The following PDZD9 variants were observed in gnomAD, a reference collection of about 807,000 sequenced individuals.
PDZD9 encodes the protein PDZ domain-containing protein 9.
A neutral mutation model predicts 16.3 loss-of-function variants in PDZD9; 13 were observed. That is an observed-to-expected ratio of 0.80 (90% confidence interval 0.52 to 1.27). PDZD9 has a LOEUF of 1.27. Ranked by LOEUF, PDZD9 falls within the 50% of genes most tolerant of loss-of-function variation. The pLI is 0.00. For synonymous variants in PDZD9, 120 were observed against 111.0 expected, an observed-to-expected ratio of 1.08 and a Z score of -0.51; for missense variants, 288 against 310.9, an observed-to-expected ratio of 0.93 and a Z score of 0.55.
downstream of PDZD9, among the ~76,000 whole-genome samples, chr16:21,981,020 T>C (rs1898712656): frequency 6.6e-6 from 1 of 152,164 alleles, no homozygotes; most frequent in Non-Finnish European, 1.5e-5. Context: ...GTTAAACTAA[T>C]GGTAGTTTAT....
intron 2 of PDZD9, among the ~76,000 whole-genome samples, chr16:21,994,042 T>C (rs952253005): frequency 2.0e-5 from 3 of 149,342 alleles, no homozygotes; most frequent in Admixed American, 2.0e-4. Flanking sequence ...AAAAATAAAA[T>C]AAAAATTAGC....
Position 21,984,265 on chromosome 16 carries a change from T to G in PDZD9, c.*2A>C. Reference sequence around the variant, plus strand: ...ATAAATGCTCATATGACCACAGATTTGCTAACCAACCTTTGATACCAGTTG... The same window carrying G: ...ATAAATGCTCATATGACCACAGATTGGCTAACCAACCTTTGATACCAGTTG... On this transcript the variant is annotated 3_prime_UTR_variant, in exon 4 of 4. Transcript: ENST00000424898. The G allele has an allele frequency of 6.2e-7, 1 of 1,603,500 alleles. No homozygotes were observed. Among genetic ancestry groups the G allele is most frequent in the Non-Finnish European group, 8.5e-7 (1 of 1,173,188 alleles).
the PDZD9 span, among the ~76,000 whole-genome samples, chr16:21,961,626 TTATATA>T: frequency 0.022 from 1,425 of 64,364 alleles, 64 homozygotes; most frequent in East Asian, 0.18. Context: ...AACATAAAAT[TTATATA>T]TATATATATA....
the PDZD9 span, chr16:21,958,540 A>G: frequency 1.2e-6 from 2 of 1,612,244 alleles, no homozygotes; most frequent in Non-Finnish European, 1.7e-6. Flanking sequence ...TCAAGACGAC[A>G]AAAGGAGCTT....
At chr16:21,977,982 T>C in the PDZD9 span, among the ~76,000 whole-genome samples, 3 of 152,214 alleles carry the variant, frequency 2.0e-5, no homozygotes, top group South Asian at 2.1e-4. Context: ...TGAGAATACA[T>C]TGAAACACTG....
chr16:21,991,104 GACCATGTCTGTGCCGTTC>G (rs1899010605), intron 2 of PDZD9, among the ~76,000 whole-genome samples: 1 of 152,098 alleles, frequency 6.6e-6, no homozygotes, highest in Non-Finnish European at 1.5e-5. Flanking sequence ...CAAGGCTAAG[GACCATGTCTGTGCCGTTC>G]ACCACTACAC....
chr16:21,958,000 C>T, the PDZD9 span, among the ~76,000 whole-genome samples: 1 of 152,266 alleles, frequency 6.6e-6, no homozygotes, highest in East Asian at 1.9e-4. Flanking sequence ...CACTATAATT[C>T]AATATGATGT....
chr16:21,961,626 T>TTATATAGATATATATA, the PDZD9 span, among the ~76,000 whole-genome samples: 1 of 64,476 alleles, frequency 1.6e-5, no homozygotes, highest in South Asian at 4.9e-4. Context: ...AACATAAAAT[T>TTATATAGATATATATA]TATATATATA....
At position 21,984,241 on chromosome 16, in the gene PDZD9, T is replaced by G. The variant is rs1898810670; in HGVS notation, c.*26A>C. ...GCACAAAACTTGGGTGTCTGCAAGATAAATGCTCATATGACCACAGATTTG... is the reference window on the plus strand; with the variant it reads ...GCACAAAACTTGGGTGTCTGCAAGAGAAATGCTCATATGACCACAGATTTG... On this transcript the variant is annotated 3_prime_UTR_variant, in exon 4 of 4. Transcript: ENST00000424898. 5.1e-6 allele frequency: 8 copies of G among 1,581,928 alleles called. No homozygotes were observed. Among genetic ancestry groups the G allele is most frequent in the Non-Finnish European group, 6.9e-6 (8 of 1,161,964 alleles).
chr16:21,958,528 T>A, the PDZD9 span: 1 of 1,612,342 alleles, frequency 6.2e-7, no homozygotes, highest in Non-Finnish European at 8.5e-7. Context: ...ATTCTTTCTT[T>A]TTCAAGACGA....
chr16:21,970,147 A>G, the PDZD9 span, among the ~76,000 whole-genome samples: 5 of 152,194 alleles, frequency 3.3e-5, no homozygotes, highest in Non-Finnish European at 7.4e-5. Flanking sequence ...TGTCAATTCA[A>G]TGTCTTATTC....
the PDZD9 span, among the ~76,000 whole-genome samples, chr16:21,969,688 T>A: frequency 6.6e-6 from 1 of 152,142 alleles, no homozygotes; most frequent in African/African-American, 2.4e-5. Flanking sequence ...TAAGATATAA[T>A]TTACATGCTA....
chr16:21,976,395 G>T, the PDZD9 span: 1 of 647,272 alleles, frequency 1.5e-6, no homozygotes, highest in Non-Finnish European at 2.5e-6. Flanking sequence ...ACCACCTAAA[G>T]ATATAATTGT....
chr16:21,964,663 ATTAC>A, the PDZD9 span, among the ~76,000 whole-genome samples: 1 of 152,102 alleles, frequency 6.6e-6, no homozygotes, highest in South Asian at 2.1e-4. Flanking sequence ...GATCCCACAT[ATTAC>A]TTGTATTAAT....
In PDZD9 at chr16:21,988,106, C is replaced by A. The variant is rs573043921; in HGVS notation, c.401+496G>T. ...CACTGCAACCTCCGACTCCCTGATTCGAGCGATTCTCCTGCCTCAGCCTCC... is the reference window on the plus strand; with the variant it reads ...CACTGCAACCTCCGACTCCCTGATTAGAGCGATTCTCCTGCCTCAGCCTCC... On this transcript the variant is annotated intron_variant, in intron 3 of 3. Coordinates refer to ENST00000424898, the MANE Select transcript of PDZD9 (RefSeq NM_001363519.1). Among the ~76,000 whole-genome samples, 4 of 143,086 alleles carry A rather than the reference C, an allele frequency of 2.8e-5. No individual in the cohort carries two copies. The South Asian group carries it at 8.7e-4, about 31-fold the overall frequency. The allele number at this position is 143,086 out of a possible 152,430, so 93.9% of individuals were successfully genotyped here.
chr16:21,968,583 A>T, the PDZD9 span: 1 of 1,513,674 alleles, frequency 6.6e-7, no homozygotes. Context: ...ACAGCTTTTT[A>T]TATTTATGCT....
chr16:21,970,222 G>A, the PDZD9 span, among the ~76,000 whole-genome samples: 539 of 152,250 alleles, frequency 3.5e-3, 4 homozygotes, highest in African/African-American at 0.013. Flanking sequence ...CATTTGGGTT[G>A]TTTCTACCTT....
downstream of PDZD9, chr16:21,980,799 C>G (rs1446956746): frequency 7.0e-7 from 1 of 1,419,920 alleles, no homozygotes; most frequent in East Asian, 2.3e-5. Flanking sequence ...GTGTATTATT[C>G]TTATGTTTGG....
rs72784911 is a variant in PDZD9 at position 21,986,788 on chromosome 16, A to G, written c.401+1814T>C. On this transcript the variant is annotated intron_variant, in intron 3 of 3. Transcript: ENST00000424898. Reference sequence around the variant, plus strand: ...ATGTGAAGGAGCGAGCTGTGAGAGCATATGTCAGGTGGACCTGTTTCTAGG... The same window carrying G: ...ATGTGAAGGAGCGAGCTGTGAGAGCGTATGTCAGGTGGACCTGTTTCTAGG... Among the ~76,000 whole-genome samples the G allele has an allele frequency of 9.5e-3, 1,446 of 152,310 alleles. 9 individuals are homozygous for G. The highest frequency in any genetic ancestry group is 0.015 in the Non-Finnish European group (1,004 of 68,028).
Sources: gnomAD v4.1 joint callset for allele counts (sites outside exome capture counted in the v4.1 genomes callset) on GRCh38, gnomAD v4.1.1 for gene constraint, MANE v1.5 for transcripts, NCBI Gene and HGNC (gene_info 2026-07-23, HGNC 2026-07-21) for gene names.